The following STX1A variants were observed in gnomAD, a reference collection of about 807,000 sequenced individuals.
STX1A encodes the protein syntaxin-1A.
A neutral mutation model predicts 37.8 loss-of-function variants in STX1A; 4 were observed. The observed-to-expected ratio is 0.11, with a 90% confidence interval of 0.05 to 0.24. The LOEUF (loss-of-function observed/expected upper bound fraction) is 0.24. Among genes scored for constraint, STX1A ranks in the 10% least tolerant of loss-of-function variants. The probability of loss-of-function intolerance (pLI) is 1.00; values close to 1 mark genes in which losing one functional copy is unlikely to be tolerated. For synonymous variants in STX1A, 135 were observed against 147.4 expected (o/e 0.92, Z 0.61); for missense variants, 251 against 399.9 (o/e 0.63, Z 3.18).
intron 8 of STX1A, chr7:73,701,247 C>A: frequency 4.7e-6 from 2 of 426,236 alleles, no homozygotes; most frequent in East Asian, 7.4e-5. Context: ...CCCCCATCCT[C>A]AGGCATGACA....
chr7:73,719,448 G>A (rs543798565), intron 1 of STX1A, among the ~76,000 whole-genome samples, 154 bp downstream of exon 1: 1 of 152,116 alleles, frequency 6.6e-6, no homozygotes, highest in East Asian at 1.9e-4. Context: ...AACCCGGAGG[G>A]GGGTCGAGGT....
intron 1 of STX1A, among the ~76,000 whole-genome samples, chr7:73,718,927 G>A (rs940341375): frequency 4.6e-5 from 7 of 151,508 alleles, no homozygotes; most frequent in Admixed American, 4.6e-4. Context: ...CCGAAAGCCC[G>A]AAGGTGGATA....
At chr7:73,704,117 G>T (rs1002378824) in intron 6 of STX1A, 31 bp downstream of exon 6, 2 of 1,552,386 alleles carry the variant, frequency 1.3e-6, no homozygotes, top group African/African-American at 2.7e-5. Flanking sequence ...CCAGGCTCCA[G>T]GCCCCGCCCC....
At chr7:73,703,887 T>C (rs1798762801) in intron 6 of STX1A, 59 bp from the exon 7 acceptor site, 14 of 1,564,774 alleles carry the variant, frequency 8.9e-6, no homozygotes, top group Admixed American at 5.3e-5. Flanking sequence ...AGCAGCAGCA[T>C]TGGGCCCCGC....
Position 73,709,159 on chromosome 7 carries a change from A to C in STX1A, c.31-37T>G, listed in dbSNP as rs369686645. 257 of 1,602,448 alleles carry C rather than the reference A, an allele frequency of 1.6e-4. 2 individuals are homozygous for C. In the African/African-American group the frequency reaches 2.6e-3, roughly 16 times the overall value. ...TGTGCACACATAAGTGGACGTATGT[A>C]CAGGACCCACCTGTACACACGCAGG... On this transcript the variant is annotated intron_variant, in intron 1 of 9. Coordinates refer to ENST00000222812, the MANE Select transcript of STX1A (RefSeq NM_004603.4). The surrounding 1 kb of genome is among the most constrained non-coding windows in gnomAD (Gnocchi z 4.2).
At chr7:73,712,970 A>G (rs1799156744) in intron 1 of STX1A, among the ~76,000 whole-genome samples, 1 of 152,070 alleles carries the variant, frequency 6.6e-6, no homozygotes, top group Non-Finnish European at 1.5e-5. Flanking sequence ...CTCTTTCTAT[A>G]TGATCTACCT....
At chr7:73,703,218 G>C (rs1472138618) in intron 7 of STX1A, among the ~76,000 whole-genome samples, 1 of 152,222 alleles carries the variant, frequency 6.6e-6, no homozygotes, top group Non-Finnish European at 1.5e-5. Flanking sequence ...CTTTCCACCT[G>C]TGCTGGCCAC....
rs782455881 is a variant in STX1A at position 73,709,110 on chromosome 7, C to T, written c.43G>A (p.Asp15Asn). Residue 15 changes from aspartate (D) to asparagine (N), a missense_variant, in exon 2 of 10, where the codon GAT becomes AAT. By Grantham distance (23) the Asp-to-Asn change is conservative (BLOSUM62 1). This residue lies in a region of STX1A where 37 missense variants were observed against 32.3 expected (regional missense o/e 1.15). Transcript: ENST00000222812. The surrounding 1 kb of genome is among the most constrained non-coding windows in gnomAD (Gnocchi z 4.2). ...GTGACAGCGACATCATCATCATCAT[C>T]GCTGTCCTTGGCCTGTGCGGGGTTG... The part of the protein sequence containing the change: ...TQELRTAKDS[D>N]DDDDVAVTVD... The T allele has an allele frequency of 2.9e-5, 47 of 1,613,480 alleles. No homozygotes were observed. Among genetic ancestry groups the T allele is most frequent in the South Asian group, 1.6e-4 (15 of 91,090 alleles).
At chr7:73,703,953 G>GGCCC in intron 6 of STX1A, 125 bp from the exon 7 acceptor site, 10 of 1,082,172 alleles carry the variant, frequency 9.2e-6, no homozygotes, top group Non-Finnish European at 1.3e-5. Context: ...GCAGCCTCAG[G>GGCCC]CCCCGCCCCC....
chr7:73,717,473 C>T lies in STX1A; in HGVS notation c.30+2129G>A, dbSNP rs1360187638. Among the ~76,000 whole-genome samples the T allele has an allele frequency of 2.6e-5, 4 of 152,156 alleles. No individual in the cohort carries two copies. The highest frequency in any genetic ancestry group is 9.7e-5 in the African/African-American group (4 of 41,432). ...TCGTCCCGAGAAACTGAATTCTAGG[C>T]TTTCCCATCCCCACTTCACAGATGG... is the stretch of plus-strand genomic sequence containing the variant. On this transcript the variant is annotated intron_variant, in intron 1 of 9. Transcript: ENST00000222812. This position sits in a 1 kb window ranked among gnomAD's most constrained non-coding sequence, Gnocchi z 4.1.
At chr7:73,704,789 C>T (rs1798810914) in intron 4 of STX1A, 2 of 503,894 alleles carry the variant, frequency 4.0e-6, no homozygotes, top group South Asian at 2.3e-5. Flanking sequence ...CATGTGGCCC[C>T]GAGGCCTTGG....
chr7:73,710,803 G>T (rs1174957894), intron 1 of STX1A, among the ~76,000 whole-genome samples: 1 of 152,178 alleles, frequency 6.6e-6, no homozygotes, highest in African/African-American at 2.4e-5. Context: ...CGGTGCTCTC[G>T]CGTCAGGACG....
intron 8 of STX1A, chr7:73,701,178 G>A (rs956154549): frequency 1.7e-6 from 1 of 573,530 alleles, no homozygotes; most frequent in Non-Finnish European, 3.1e-6. Context: ...TGGGTATGCT[G>A]GAGTCTGGTC....
chr7:73,718,483 G>C (rs1449473929), intron 1 of STX1A, among the ~76,000 whole-genome samples: 1 of 152,118 alleles, frequency 6.6e-6, no homozygotes, highest in African/African-American at 2.4e-5. Flanking sequence ...GGGACCTTAG[G>C]GTTCTAGTTC....
At position 73,706,152 on chromosome 7, in the gene STX1A, C is replaced by T. The variant is rs1469748692; in HGVS notation, c.209-928G>A. On this transcript the variant is annotated intron_variant, in intron 3 of 9. Transcript: ENST00000222812. This position sits in a 1 kb window ranked among gnomAD's most constrained non-coding sequence, Gnocchi z 4.6. ...CCTGCCCCTCTGCTTGCCCCTGGGG[C>T]TGGGGTTTGTCCTAGAGGGGACAGG... Among the ~76,000 whole-genome samples the T allele has an allele frequency of 7.2e-5, 11 of 152,154 alleles. No homozygotes were observed. The highest frequency in any genetic ancestry group is 2.4e-4 in the African/African-American group (10 of 41,512).
intron 3 of STX1A, among the ~76,000 whole-genome samples, chr7:73,708,364 C>A (rs969167053): frequency 1.4e-4 from 22 of 152,142 alleles, no homozygotes; most frequent in African/African-American, 5.3e-4. Flanking sequence ...TCATGGAGAC[C>A]TGGTCTGGCC....
At position 73,706,087 on chromosome 7, in the gene STX1A, C is replaced by G. The variant is rs143930049; in HGVS notation, c.209-863G>C. ...TCAGGACACCCCCAGGACTCTGCCC[C>G]GAGAGAAGCCGGGACTGAGCTCTGG... On this transcript the variant is annotated intron_variant, in intron 3 of 9. Coordinates refer to ENST00000222812, the MANE Select transcript of STX1A (RefSeq NM_004603.4). The surrounding 1 kb of genome is among the most constrained non-coding windows in gnomAD (Gnocchi z 4.6). Among the ~76,000 whole-genome samples the G allele has an allele frequency of 6.6e-6, 1 of 152,104 alleles. No homozygotes were observed.
chr7:73,705,007 T>C lies in STX1A; in HGVS notation c.283+143A>G, dbSNP rs1798819242. 8 of 814,962 alleles carry C rather than the reference T, an allele frequency of 9.8e-6. No individual in the cohort carries two copies. In the South Asian group the frequency reaches 1.2e-4, roughly 12 times the overall value. 50.5% of individuals were successfully genotyped at this position (814,962 alleles called of 1,614,324 possible). ...CCAACGGGCCTTGCCAAGTAGCTGC[T>C]GAGTGAATGGGCACATGACGCCACC... On this transcript the variant is annotated intron_variant, in intron 4 of 9. Transcript: ENST00000222812. The surrounding 1 kb of genome is among the most constrained non-coding windows in gnomAD (Gnocchi z 5.2).
At position 73,705,497 on chromosome 7, in the gene STX1A, G is replaced by A. The variant is rs1798836934; in HGVS notation, c.209-273C>T. On this transcript the variant is annotated intron_variant, in intron 3 of 9. Coordinates refer to ENST00000222812, the MANE Select transcript of STX1A (RefSeq NM_004603.4). This position sits in a 1 kb window ranked among gnomAD's most constrained non-coding sequence, Gnocchi z 5.2. ...CCCACCCCCTGGAGATAACAGATGG[G>A]TCTAAATTTAAGGCAGAAGTAATTG... 5 of 445,568 alleles carry A rather than the reference G, an allele frequency of 1.1e-5. No homozygotes were observed. The highest frequency in any genetic ancestry group is 8.0e-5 in the African/African-American group (4 of 49,924). 27.6% of individuals were successfully genotyped at this position (445,568 alleles called of 1,614,324 possible). A position where few individuals can be genotyped will look rare whatever the true frequency, so the allele number is the denominator to read the frequency against.
Sources: allele counts gnomAD v4.1 joint callset (sites outside exome capture counted in the v4.1 genomes callset), GRCh38; gene constraint gnomAD v4.1.1; regional missense constraint gnomAD v4.1.1; non-coding constraint Gnocchi (gnomAD v3.1); transcripts MANE v1.5; gene names NCBI Gene and HGNC (gene_info 2026-07-23, HGNC 2026-07-21).